TBC1D9: variants seen among roughly 807,000 people sequenced by gnomAD.
TBC1D9 encodes the protein TBC1 domain family member 9A.
A neutral mutation model predicts 132.0 loss-of-function variants in TBC1D9; 63 were observed. The ratio of observed to expected loss-of-function variants is 0.48; its 90% CI spans 0.39 to 0.59. The LOEUF (loss-of-function observed/expected upper bound fraction) is 0.59. TBC1D9 is among the 20% of genes least tolerant of loss of function. The probability of loss-of-function intolerance (pLI) is 0.00; values close to 1 mark genes in which losing one functional copy is unlikely to be tolerated. For synonymous variants in TBC1D9, 610 were observed against 609.9 expected (o/e 1.00, Z 0.00); for missense variants, 1,261 against 1,592.7 (o/e 0.79, Z 3.54).
At position 140,670,835 on chromosome 4, in the gene TBC1D9, T is replaced by C. The variant is rs754822482; in HGVS notation, c.1151A>G (p.Asn384Ser). 5.0e-6 allele frequency: 8 copies of C among 1,613,928 alleles called. No homozygotes were observed. The highest frequency in any genetic ancestry group is 5.1e-6 in the Non-Finnish European group (6 of 1,179,906). The change falls in exon 7 of 21, where the codon AAC becomes AGC. Residue 384 changes from asparagine (N) to serine (S), a missense_variant. Transcript: ENST00000442267. ...TRNRMTFLFANLKDRDFLVQR... is the reference protein window; with the variant it reads ...TRNRMTFLFASLKDRDFLVQR... ...CACTAGAAAGTCTCTATCTTTCAAGTTGGCAAATAGGAAGGTCATCCTGTT... is the reference window on the plus strand; with the variant it reads ...CACTAGAAAGTCTCTATCTTTCAAGCTGGCAAATAGGAAGGTCATCCTGTT...
At chr4:140,660,096 C>T (rs967501522) in intron 10 of TBC1D9, among the ~76,000 whole-genome samples, 2 of 152,196 alleles carry the variant, frequency 1.3e-5, no homozygotes, top group African/African-American at 2.4e-5. Flanking sequence ...GTGAGGTAAA[C>T]ATTTCCTTTG....
chr4:140,655,287 A>T (rs889559071), intron 13 of TBC1D9, among the ~76,000 whole-genome samples: 1 of 152,190 alleles, frequency 6.6e-6, no homozygotes, highest in Non-Finnish European at 1.5e-5. Context: ...TTCAATGAAG[A>T]TTTTAAAAAA....
intron 13 of TBC1D9, chr4:140,643,702 ATGCGGCCG>A (rs1737049978): frequency 5.0e-6 from 6 of 1,199,532 alleles, no homozygotes; most frequent in Non-Finnish European, 5.7e-6. Context: ...CCCAGGTCCA[ATGCGGCCG>A]TGCAGGGTTC....
intron 1 of TBC1D9, among the ~76,000 whole-genome samples, chr4:140,755,595 G>A (rs906517178): frequency 6.6e-6 from 1 of 152,092 alleles, no homozygotes; most frequent in Admixed American, 6.5e-5. Flanking sequence ...TTAAGGGGGG[G>A]AGGGGAAGGG....
chr4:140,696,006 G>A (rs1254096728), intron 2 of TBC1D9, among the ~76,000 whole-genome samples: 2 of 152,116 alleles, frequency 1.3e-5, no homozygotes, highest in Non-Finnish European at 2.9e-5. Flanking sequence ...TGGCATATTA[G>A]CCAAAAAGAA....
At chr4:140,748,289 T>G (rs1738867690) in intron 1 of TBC1D9, among the ~76,000 whole-genome samples, 1 of 152,172 alleles carries the variant, frequency 6.6e-6, no homozygotes, top group African/African-American at 2.4e-5. Flanking sequence ...AGATAGTTAT[T>G]AACTTGGAAC....
chr4:140,679,733 T>C lies in TBC1D9; in HGVS notation c.471A>G (p.Glu157=). 6.2e-7 allele frequency: 1 copy of C among 1,613,876 alleles called. No individual in the cohort carries two copies. Among genetic ancestry groups the C allele is most frequent in the Middle Eastern group, 1.7e-4 (1 of 6,060 alleles). ...AAGAGTAATAGTTGACGAGTTTCTC[T>C]TCCTCTGGCATCCCAAACAGCCTAT... is the stretch of plus-strand genomic sequence containing the variant. ...KFHRLFGMPE[E]EKLVNYYSCS... Residue 157 remains glutamate, a synonymous_variant, in exon 4 of 21, where the codon GAA becomes GAG. Coordinates refer to ENST00000442267, the MANE Select transcript of TBC1D9 (RefSeq NM_015130.3).
At chr4:140,642,476 T>G in intron 13 of TBC1D9, 2 of 1,009,262 alleles carry the variant, frequency 2.0e-6, no homozygotes, top group African/African-American at 1.6e-5. Context: ...CCCCTGCCAG[T>G]TTTTGATTTC....
intron 8 of TBC1D9, 37 bp downstream of exon 8, chr4:140,669,597 A>G: frequency 2.5e-6 from 4 of 1,584,116 alleles, no homozygotes; most frequent in Non-Finnish European, 3.5e-6. Context: ...CATTGTTCAA[A>G]TCTACAAAGT....
intron 15 of TBC1D9, among the ~76,000 whole-genome samples, chr4:140,638,040 A>G (rs964541934): frequency 6.6e-6 from 1 of 152,228 alleles, no homozygotes; most frequent in African/African-American, 2.4e-5. Context: ...GGTGCCCTCC[A>G]GTGGTGAACA....
chr4:140,682,666 G>T (rs983569062), intron 3 of TBC1D9, among the ~76,000 whole-genome samples: 3 of 152,182 alleles, frequency 2.0e-5, no homozygotes, highest in African/African-American at 7.2e-5. Flanking sequence ...GAAAGCAGCA[G>T]CTGGGCCTCC....
intron 3 of TBC1D9, among the ~76,000 whole-genome samples, chr4:140,680,951 T>G (rs1488265143): frequency 1.3e-5 from 2 of 152,214 alleles, no homozygotes; most frequent in African/African-American, 4.8e-5. Flanking sequence ...ATCTAGATCA[T>G]GTACACTTTG....
intron 1 of TBC1D9, among the ~76,000 whole-genome samples, chr4:140,720,137 C>A (rs965613613): frequency 2.6e-5 from 4 of 152,182 alleles, no homozygotes; most frequent in African/African-American, 9.7e-5. Context: ...CTGAAGGCAG[C>A]CCCCAAGGTG....
chr4:140,714,692 A>G (rs1327200530), intron 1 of TBC1D9, among the ~76,000 whole-genome samples: 2 of 152,212 alleles, frequency 1.3e-5, no homozygotes, highest in Admixed American at 6.5e-5. Context: ...CATTTCCTCC[A>G]TAAGAGATAG....
chr4:140,627,295 CA>C, intron 18 of TBC1D9, 145 bp downstream of exon 18: 1 of 595,738 alleles, frequency 1.7e-6, no homozygotes. Context: ...TGCCTAATCT[CA>C]AAAACTGGAA....
chr4:140,624,365 T>C lies in TBC1D9; in HGVS notation c.2923A>G (p.Lys975Glu). The change falls in exon 19 of 21, where the codon AAA becomes GAA. Residue 975 changes from lysine (K) to glutamate (E), a missense_variant. Lys to Glu is a moderately conservative substitution (Grantham distance 56). Around this residue, in one of 3 missense-constraint regions of TBC1D9, gnomAD observed 618 missense variants for 724.4 expected, o/e 0.85. Coordinates refer to ENST00000442267, the MANE Select transcript of TBC1D9 (RefSeq NM_015130.3). ...THVVGLDSRSKQGADDGFVTV... is the reference protein window; with the variant it reads ...THVVGLDSRSEQGADDGFVTV... Reference sequence around the variant, plus strand: ...ACAAAGCCATCATCTGCACCCTGTTTGCTTCTGCTATCCAATCCAACAACT... The same window carrying C: ...ACAAAGCCATCATCTGCACCCTGTTCGCTTCTGCTATCCAATCCAACAACT... 6.2e-7 allele frequency: 1 copy of C among 1,613,816 alleles called. No individual in the cohort carries two copies. Among genetic ancestry groups the C allele is most frequent in the Non-Finnish European group, 8.5e-7 (1 of 1,179,832 alleles).
intron 1 of TBC1D9, among the ~76,000 whole-genome samples, chr4:140,738,651 G>A (rs979199864): frequency 6.6e-6 from 1 of 152,156 alleles, no homozygotes; most frequent in Non-Finnish European, 1.5e-5. Flanking sequence ...AACTTTTTGA[G>A]AGTGACCACC....
chr4:140,663,357 C>T (rs1737395201), intron 9 of TBC1D9, among the ~76,000 whole-genome samples: 1 of 152,202 alleles, frequency 6.6e-6, no homozygotes, highest in Non-Finnish European at 1.5e-5. Flanking sequence ...CACCTCATAC[C>T]TGTCAGAATG....
rs1736944052 is a variant in TBC1D9, at chr4:140,639,435, A to C, written c.2338-7T>G. 6.3e-7 allele frequency: 1 copy of C among 1,598,378 alleles called. No individual in the cohort carries two copies. The highest frequency in any genetic ancestry group is 8.5e-7 in the Non-Finnish European group (1 of 1,169,616). ...CCCGGATAGTTCCGAATTTCTGTAA[A>C]GGAGCAATATTGGTGTCTCTGAAAA... On this transcript the variant is annotated splice_region_variant and splice_polypyrimidine_tract_variant and intron_variant, in intron 13 of 20. Coordinates refer to ENST00000442267, the MANE Select transcript of TBC1D9 (RefSeq NM_015130.3).
Sources: gnomAD v4.1 joint callset for allele counts (sites outside exome capture counted in the v4.1 genomes callset) on GRCh38, gnomAD v4.1.1 for gene constraint, gnomAD v4.1.1 regional missense constraint, MANE v1.5 for transcripts, NCBI Gene and HGNC (gene_info 2026-07-23, HGNC 2026-07-21) for gene names.